SYT1: variants seen among roughly 807,000 people sequenced by gnomAD.
SYT1 encodes the protein synaptotagmin-1.
Under a neutral mutation model 44.8 loss-of-function variants are expected in SYT1, and 8 were observed. The ratio of observed to expected loss-of-function variants is 0.18; its 90% CI spans 0.10 to 0.32. The LOEUF (loss-of-function observed/expected upper bound fraction) is 0.32, where lower values mean the gene tolerates loss of function less well. SYT1 is among the 10% of genes least tolerant of loss of function. SYT1 has a pLI of 1.00. For synonymous variants in SYT1, 154 were observed against 188.8 expected, an observed-to-expected ratio of 0.82 and a Z score of 1.51; for missense variants, 286 against 509.3, an observed-to-expected ratio of 0.56 and a Z score of 4.22.
chr12:79,105,992 A>G (rs1167224393), intron 3 of SYT1, among the ~76,000 whole-genome samples: 1 of 152,200 alleles, frequency 6.6e-6, no homozygotes, highest in African/African-American at 2.4e-5. Flanking sequence ...TTGTGACTAA[A>G]TGAATGAGTA....
intron 5 of SYT1, among the ~76,000 whole-genome samples, chr12:79,287,169 C>T (rs1414396105): frequency 1.3e-5 from 2 of 152,124 alleles, no homozygotes; most frequent in African/African-American, 2.4e-5. Flanking sequence ...CACAAAGGCT[C>T]ATGTTTTACT....
At chr12:79,347,491 A>G (rs748827831) in intron 8 of SYT1, among the ~76,000 whole-genome samples, 1 of 152,148 alleles carries the variant, frequency 6.6e-6, no homozygotes, top group Non-Finnish European at 1.5e-5. Context: ...TCACAGCCCA[A>G]CTTCTCAACC....
At chr12:79,411,934 A>G (rs1159455032) in intron 9 of SYT1, among the ~76,000 whole-genome samples, 1 of 152,156 alleles carries the variant, frequency 6.6e-6, no homozygotes, top group Non-Finnish European at 1.5e-5. Context: ...TCATTTCATG[A>G]TATCATTCCA....
chr12:78,935,524 A>G (rs1878002326), intron 1 of SYT1, among the ~76,000 whole-genome samples: 1 of 152,218 alleles, frequency 6.6e-6, no homozygotes, highest in Non-Finnish European at 1.5e-5. Context: ...ATGTGAATAT[A>G]CAAGAATGGA....
chr12:78,959,808 G>A (rs1879410651), intron 1 of SYT1, among the ~76,000 whole-genome samples: 1 of 152,228 alleles, frequency 6.6e-6, no homozygotes, highest in Admixed American at 6.5e-5. Context: ...GATAACAGGG[G>A]AAATGTTTTT....
intron 2 of SYT1, among the ~76,000 whole-genome samples, chr12:78,979,815 A>G (rs1268682261): frequency 1.3e-5 from 2 of 152,202 alleles, no homozygotes; most frequent in African/African-American, 4.8e-5. Context: ...AAGGTATTAA[A>G]TTTATAATTT....
At chr12:79,074,051 T>C (rs1420410913) in intron 3 of SYT1, among the ~76,000 whole-genome samples, 2 of 152,218 alleles carry the variant, frequency 1.3e-5, no homozygotes, top group East Asian at 1.9e-4. Context: ...ATTCCATAAG[T>C]ATGTTAGATA....
chr12:79,243,616 C>T (rs576315040), intron 4 of SYT1, among the ~76,000 whole-genome samples: 1 of 152,204 alleles, frequency 6.6e-6, no homozygotes, highest in East Asian at 1.9e-4. Flanking sequence ...GTCTCTAAAA[C>T]TAAAGTCACT....
intron 3 of SYT1, among the ~76,000 whole-genome samples, chr12:79,179,507 ATATAGATATATC>A (rs1339376853): frequency 0.013 from 1,386 of 105,306 alleles, 50 homozygotes; most frequent in Middle Eastern, 0.053. Flanking sequence ...ATAGATATAG[ATATAGATATATC>A]TATATAGATA....
chr12:79,032,764 A>G (rs1160977404), intron 2 of SYT1, among the ~76,000 whole-genome samples: 1 of 151,390 alleles, frequency 6.6e-6, no homozygotes, highest in Non-Finnish European at 1.5e-5. Flanking sequence ...GATACAAAGT[A>G]ATTGTAAGAA....
chr12:79,235,422 T>C (rs1012314859), intron 4 of SYT1, among the ~76,000 whole-genome samples: 2 of 151,990 alleles, frequency 1.3e-5, no homozygotes, highest in African/African-American at 4.8e-5. Flanking sequence ...TAGACAATAA[T>C]TTCATGACCT....
chr12:79,082,157 C>T (rs535518533), intron 3 of SYT1, among the ~76,000 whole-genome samples: 55 of 152,232 alleles, frequency 3.6e-4, no homozygotes, highest in Non-Finnish European at 6.3e-4. Flanking sequence ...TTTATAGATG[C>T]TTTCTTAGAG....
intron 4 of SYT1, among the ~76,000 whole-genome samples, chr12:79,247,349 C>T (rs1876912525): frequency 6.6e-6 from 1 of 152,152 alleles, no homozygotes; most frequent in African/African-American, 2.4e-5. Flanking sequence ...ATGTATAACT[C>T]ATGAGGCAGG....
intron 3 of SYT1, among the ~76,000 whole-genome samples, chr12:79,190,637 GA>G (rs1321995503): frequency 1.3e-5 from 2 of 152,130 alleles, no homozygotes; most frequent in African/African-American, 4.8e-5. Context: ...TCCTTTCAGA[GA>G]AATGACTTTC....
intron 7 of SYT1, 28 bp from the exon 8 acceptor site, chr12:79,299,356 T>G (rs1316417906): frequency 6.2e-7 from 1 of 1,607,922 alleles, no homozygotes; most frequent in Non-Finnish European, 8.5e-7. Flanking sequence ...TGTGACTGGA[T>G]ATTTTATCCT....
chr12:78,947,357 A>G (rs1230806353), intron 1 of SYT1, among the ~76,000 whole-genome samples: 4 of 152,094 alleles, frequency 2.6e-5, no homozygotes, highest in Admixed American at 1.3e-4. Context: ...TTTAGGCTAG[A>G]TTATGTGCGC....
At chr12:78,893,377 T>A (rs953040491) in intron 1 of SYT1, among the ~76,000 whole-genome samples, 1 of 151,796 alleles carries the variant, frequency 6.6e-6, no homozygotes, top group African/African-American at 2.4e-5. Flanking sequence ...TTGTCAAAAA[T>A]TCAATTCTGT....
intron 2 of SYT1, among the ~76,000 whole-genome samples, chr12:79,004,619 T>C (rs1005573205): frequency 1.3e-5 from 2 of 152,118 alleles, no homozygotes; most frequent in East Asian, 1.9e-4. Flanking sequence ...ACAGTAGCAA[T>C]TGTTCATAAA....
At chr12:79,036,395 T>C (rs1365118798) in intron 2 of SYT1, 2 of 151,868 alleles carry the variant, frequency 1.3e-5, no homozygotes, top group Non-Finnish European at 2.9e-5. Flanking sequence ...TAAATATAGA[T>C]GCTAAGAATT....
Sources: allele counts gnomAD v4.1 joint callset (sites outside exome capture counted in the v4.1 genomes callset), GRCh38; gene constraint gnomAD v4.1.1; transcripts MANE v1.5; gene names NCBI Gene and HGNC (gene_info 2026-07-23, HGNC 2026-07-21).